The following ELP4 variants were observed in gnomAD, a reference collection of about 807,000 sequenced individuals.
The protein encoded by ELP4 is elongator complex protein 4.
Under a neutral mutation model 48.9 loss-of-function variants are expected in ELP4, and 51 were observed. The ratio of observed to expected loss-of-function variants is 1.04; its 90% CI spans 0.83 to 1.32. The LOEUF is 1.32. Among genes scored for constraint, ELP4 ranks in the 40% most tolerant of loss-of-function variants. ELP4 has a pLI of 0.00. For synonymous variants in ELP4, 210 were observed against 189.2 expected, an observed-to-expected ratio of 1.11 and a Z score of -0.90; for missense variants, 519 against 514.6, an observed-to-expected ratio of 1.01 and a Z score of -0.08.
intron 3 of ELP4, among the ~76,000 whole-genome samples, chr11:31,578,071 T>C (rs1957317944): frequency 6.6e-6 from 1 of 152,202 alleles, no homozygotes. Flanking sequence ...AAAATCTCCT[T>C]AAGCTGATAA....
intron 4 of ELP4, among the ~76,000 whole-genome samples, chr11:31,602,165 C>G (rs571977726): frequency 2.0e-5 from 3 of 152,066 alleles, no homozygotes; most frequent in Non-Finnish European, 2.9e-5. Context: ...TTCAGTTAGT[C>G]AAGGCCTTTC....
chr11:31,772,165 G>A lies in ELP4; in HGVS notation c.1144-11228G>A, dbSNP rs532720266. Among the ~76,000 whole-genome samples the A allele has an allele frequency of 3.4e-5, 5 of 148,510 alleles. No homozygotes were observed. In the East Asian group the frequency reaches 1.0e-3, roughly 30 times the overall value. On this transcript the variant is annotated intron_variant, in intron 9 of 9. Coordinates refer to ENST00000640961, the MANE Select transcript of ELP4 (RefSeq NM_019040.5). ...GAATAAGTCTTGCTCTGTCACCCAG[G>A]CTGGTGTACAGTGGCGGAATCTCAG... is the stretch of plus-strand genomic sequence containing the variant.
intron 9 of ELP4, among the ~76,000 whole-genome samples, chr11:31,741,900 G>A (rs1489348497): frequency 1.3e-5 from 2 of 152,210 alleles, no homozygotes; most frequent in Non-Finnish European, 2.9e-5. Flanking sequence ...GACAGAGAAT[G>A]ACTCTGACGA....
At position 31,789,793 on chromosome 11, in the gene ELP4, C is replaced by G; in HGVS notation, c.*6269C>G. On this transcript the variant is annotated 3_prime_UTR_variant, in exon 10 of 10. Transcript: ENST00000640961. ...CAAGTCCATTCCTTCCCCAGTGGTA[C>G]AATACAGGACACAATTGTAGAACTG... The G allele has an allele frequency of 1.3e-6, 1 of 760,286 alleles. No individual in the cohort carries two copies. The highest frequency in any genetic ancestry group is 2.3e-6 in the Non-Finnish European group (1 of 434,464). The allele number at this position is 760,286 out of a possible 1,614,324, so 47.1% of individuals were successfully genotyped here.
At chr11:31,579,970 A>G (rs1209165886) in intron 3 of ELP4, among the ~76,000 whole-genome samples, 1 of 152,146 alleles carries the variant, frequency 6.6e-6, no homozygotes, top group Admixed American at 6.5e-5. Flanking sequence ...ACAACTAGAA[A>G]AAAAAAGTCA....
chr11:31,660,008 T>C (rs1359855847), intron 9 of ELP4, among the ~76,000 whole-genome samples: 1 of 152,058 alleles, frequency 6.6e-6, no homozygotes, highest in Non-Finnish European at 1.5e-5. Flanking sequence ...CAAATATCAA[T>C]TTTGATTGAA....
At chr11:31,640,010 G>A (rs1248462049) in intron 7 of ELP4, among the ~76,000 whole-genome samples, 1 of 151,794 alleles carries the variant, frequency 6.6e-6, no homozygotes, top group African/African-American at 2.4e-5. Flanking sequence ...TCATCTGTTT[G>A]GACATATGGA....
chr11:31,596,094 T>G (rs78451686), intron 4 of ELP4, among the ~76,000 whole-genome samples: 165 of 152,306 alleles, frequency 1.1e-3, no homozygotes, highest in African/African-American at 3.8e-3. Context: ...CTGTAGCACT[T>G]CATATATTTT....
In ELP4 at chr11:31,594,917, A is replaced by T. The variant is rs1362224909; in HGVS notation, c.513+16A>T. 1.3e-6 allele frequency: 2 copies of T among 1,541,920 alleles called. No homozygotes were observed. Among genetic ancestry groups the T allele is most frequent in the African/African-American group, 2.8e-5 (2 of 70,402 alleles). ...CAAGATGGAGGCAAGTAAACATACA[A>T]ATTCTTTCCAAAATTTGCAAATGCA... On this transcript the variant is annotated intron_variant, in intron 4 of 9. Coordinates refer to ENST00000640961, the MANE Select transcript of ELP4 (RefSeq NM_019040.5).
intron 9 of ELP4, among the ~76,000 whole-genome samples, chr11:31,758,241 G>A (rs758613210): frequency 2.0e-5 from 3 of 152,074 alleles, no homozygotes; most frequent in African/African-American, 4.8e-5. Flanking sequence ...ACCATCCCAT[G>A]GTTGAATTTC....
chr11:31,748,363 G>A (rs1283903075), intron 9 of ELP4, among the ~76,000 whole-genome samples: 1 of 151,226 alleles, frequency 6.6e-6, no homozygotes, highest in Non-Finnish European at 1.5e-5. Context: ...TCCTGCCTCA[G>A]CTTCCCCAGT....
rs760791371 is a variant in ELP4 at position 31,520,078 on chromosome 11, A to G, written c.246A>G (p.Thr82=). 6.2e-7 allele frequency: 1 copy of G among 1,612,724 alleles called. No individual in the cohort carries two copies. Among genetic ancestry groups the G allele is most frequent in the South Asian group, 1.1e-5 (1 of 90,854 alleles). ...QLLGGGLAVG[T]VLLIEEDKYN... is the part of the protein sequence containing the mutation. ...CAGGTGGAGGTTTAGCCGTTGGAAC[A>G]GTTCTTCTAATTGGTTAGTACAAAA... The change falls in exon 2 of 10, where the codon ACA becomes ACG. Residue 82 remains threonine (T), a synonymous_variant. Coordinates refer to ENST00000640961, the MANE Select transcript of ELP4 (RefSeq NM_019040.5).
chr11:31,574,581 G>A (rs1376130130), intron 3 of ELP4, among the ~76,000 whole-genome samples: 5 of 152,184 alleles, frequency 3.3e-5, no homozygotes, highest in Non-Finnish European at 5.9e-5. Context: ...CCTCTGAGAC[G>A]AAGGTTCCAG....
chr11:31,601,222 G>A (rs192835417), intron 4 of ELP4, among the ~76,000 whole-genome samples: 18 of 144,162 alleles, frequency 1.2e-4, no homozygotes, highest in Admixed American at 2.7e-4. Context: ...ATAATTCTAG[G>A]CCTCAAAAGA....
At chr11:31,545,058 CAG>C (rs1956674578) in intron 3 of ELP4, among the ~76,000 whole-genome samples, 2 of 151,830 alleles carry the variant, frequency 1.3e-5, no homozygotes, top group Non-Finnish European at 3.0e-5. Context: ...GGGAAAAAAA[CAG>C]AGGAGAAAAA....
intron 9 of ELP4, among the ~76,000 whole-genome samples, chr11:31,694,854 TCTC>T (rs1265406523): frequency 6.6e-6 from 1 of 152,292 alleles, no homozygotes; most frequent in East Asian, 1.9e-4. Flanking sequence ...GGTTTGTAGT[TCTC>T]CTTGAAGAGG....
At chr11:31,553,267 A>T (rs1159941044) in intron 3 of ELP4, among the ~76,000 whole-genome samples, 1 of 152,192 alleles carries the variant, frequency 6.6e-6, no homozygotes, top group African/African-American at 2.4e-5. Flanking sequence ...CTGAGGAAAC[A>T]TGATACCCAA....
rs371329019 is a variant in ELP4 at position 31,740,916 on chromosome 11, G to A, written c.1144-42477G>A. ...TGCAGGACAGTGGGTGCAGCGCACC[G>A]TGCGTGAGCCGAAGCAGGGCGAGGC... On this transcript the variant is annotated intron_variant, in intron 9 of 9. Transcript: ENST00000640961. 1.3e-4 allele frequency among the ~76,000 whole-genome samples: 20 copies of A among 152,342 alleles called. No homozygotes were observed. The East Asian group carries it at 2.1e-3, about 16-fold the overall frequency.
rs901131517 is a variant in ELP4 at position 31,786,768 on chromosome 11, A to G, written c.*3244A>G. ...GGTTAGGAGGCATAGCTTTGGGGGA[A>G]AAATATTCTAGAAATTCATTGCAGT... On this transcript the variant is annotated 3_prime_UTR_variant, in exon 10 of 10. Transcript: ENST00000640961. The G allele has an allele frequency of 4.5e-6, 1 of 221,866 alleles. No individual in the cohort carries two copies. The highest frequency in any genetic ancestry group is 9.0e-6 in the Non-Finnish European group (1 of 110,914). The allele number at this position is 221,866 out of a possible 1,614,324, so 13.7% of individuals were successfully genotyped here.
Sources: gnomAD v4.1 joint callset for allele counts (sites outside exome capture counted in the v4.1 genomes callset) on GRCh38, gnomAD v4.1.1 for gene constraint, MANE v1.5 for transcripts, NCBI Gene and HGNC (gene_info 2026-07-23, HGNC 2026-07-21) for gene names.